Variants in SNX31 observed in about 807,000 individuals in gnomAD.
The protein encoded by SNX31 is sorting nexin 31.
SNX31 carries 58 observed loss-of-function variants against 65.4 expected under a neutral mutation model. The ratio of observed to expected loss-of-function variants is 0.89; its 90% confidence interval spans 0.72 to 1.10. The LOEUF is 1.10. SNX31 is among the 50% of genes least tolerant of loss of function. SNX31 has a pLI of 0.00. For missense variants in SNX31, 523 were observed against 529.7 expected, an observed-to-expected ratio of 0.99 and a Z score of 0.12; for synonymous variants, 181 against 190.1, an observed-to-expected ratio of 0.95 and a Z score of 0.39.
rs1819533584 is a variant in SNX31 at position 100,645,087 on chromosome 8, CA to C, written c.141+4186del. On this transcript the variant is annotated intron_variant, in intron 2 of 13. Transcript: ENST00000311812. ...TTATCCAACATGCAAAATATAAGTCCAATTCTTAAAGCCAAAGATCACACAT... is the reference window on the plus strand; with the variant it reads ...TTATCCAACATGCAAAATATAAGTCCATTCTTAAAGCCAAAGATCACACAT... 4.6e-5 allele frequency among the ~76,000 whole-genome samples: 7 copies of C among 152,218 alleles called. No homozygotes were observed. The South Asian group carries it at 1.5e-3, about 32-fold the overall frequency.
Position 100,584,813 on chromosome 8 carries a change from G to A in SNX31, c.1093-625C>T, listed in dbSNP as rs2977869. On this transcript the variant is annotated intron_variant, in intron 11 of 13. Transcript: ENST00000311812. ...ACCCAGGCTGGAGTGCTGTGGCTGC[G>A]ATCTTGGCTCACTGCAACCCCCGCC... is the stretch of plus-strand genomic sequence containing the variant. Among the ~76,000 whole-genome samples, 4 of 146,748 alleles carry A rather than the reference G, an allele frequency of 2.7e-5. No homozygotes were observed. The East Asian group carries it at 6.0e-4, about 22-fold the overall frequency.
At chr8:100,597,502 C>G (rs890422350) in intron 9 of SNX31, among the ~76,000 whole-genome samples, 1 of 152,196 alleles carries the variant, frequency 6.6e-6, no homozygotes, top group African/African-American at 2.4e-5. Context: ...CTGAGCCTCC[C>G]AAAGTGCTGG....
At chr8:100,636,387 T>C (rs757318907) in intron 2 of SNX31, among the ~76,000 whole-genome samples, 4 of 152,212 alleles carry the variant, frequency 2.6e-5, no homozygotes, top group African/African-American at 4.8e-5. Flanking sequence ...TCCTCAGCCC[T>C]ACCGCCACCA....
Position 100,613,467 on chromosome 8 carries a change from A to C in SNX31, c.433-382T>G, listed in dbSNP as rs1276324120. ...TGATGTCTGTCCCTGGAACCTGCACACTAGTTTACCTTCCTGTGGGCTGCA... is the reference window on the plus strand; with the variant it reads ...TGATGTCTGTCCCTGGAACCTGCACCCTAGTTTACCTTCCTGTGGGCTGCA... On this transcript the variant is annotated intron_variant, in intron 5 of 13. Transcript: ENST00000311812. The surrounding 1 kb of genome is among the most constrained non-coding windows in gnomAD (Gnocchi z 5.2). Among the ~76,000 whole-genome samples, 3 of 152,198 alleles carry C rather than the reference A, an allele frequency of 2.0e-5. No individual in the cohort carries two copies. Among genetic ancestry groups the C allele is most frequent in the East Asian group, 3.9e-4 (2 of 5,172 alleles).
chr8:100,659,754 G>C (rs1017854014), intron 1 of SNX31, among the ~76,000 whole-genome samples: 4 of 152,074 alleles, frequency 2.6e-5, no homozygotes, highest in Non-Finnish European at 5.9e-5. Flanking sequence ...GGATCTTTTG[G>C]CAAACATTTG....
Position 100,610,476 on chromosome 8 carries a change from A to T in SNX31, c.611+1524T>A, listed in dbSNP as rs763167616. On this transcript the variant is annotated intron_variant, in intron 7 of 13. Coordinates refer to ENST00000311812, the MANE Select transcript of SNX31 (RefSeq NM_152628.4). The surrounding 1 kb of genome is among the most constrained non-coding windows in gnomAD (Gnocchi z 4.0). ...TTACATAACTCTTGCAATAACCCTTATAATAATCCAATAAACTATTTTTAT... is the reference window on the plus strand; with the variant it reads ...TTACATAACTCTTGCAATAACCCTTTTAATAATCCAATAAACTATTTTTAT... Among the ~76,000 whole-genome samples the T allele has an allele frequency of 6.6e-6, 1 of 152,080 alleles. No individual in the cohort carries two copies. Among genetic ancestry groups the T allele is most frequent in the Non-Finnish European group, 1.5e-5 (1 of 68,028 alleles).
At chr8:100,589,007 T>G in intron 10 of SNX31, 28 bp from the exon 11 acceptor site, 1 of 1,575,666 alleles carries the variant, frequency 6.3e-7, no homozygotes, top group Middle Eastern at 1.7e-4. Context: ...TTATATTCAA[T>G]GTAAATTTAA....
At chr8:100,631,932 T>C (rs554642590) in intron 3 of SNX31, among the ~76,000 whole-genome samples, 124 of 152,332 alleles carry the variant, frequency 8.1e-4, no homozygotes, top group African/African-American at 2.9e-3. Context: ...GCGTGACTAT[T>C]AAGTACCAGT....
intron 1 of SNX31, among the ~76,000 whole-genome samples, chr8:100,658,387 C>T (rs1612817): frequency 0.16 from 23,752 of 152,098 alleles, 1,958 homozygotes; most frequent in Admixed American, 0.23. Flanking sequence ...CATTCATGTG[C>T]AGAATGAAAG....
intron 1 of SNX31, among the ~76,000 whole-genome samples, chr8:100,659,175 A>G (rs1470826870): frequency 6.6e-6 from 1 of 151,828 alleles, no homozygotes; most frequent in Admixed American, 6.6e-5. Flanking sequence ...GTGAAACCCC[A>G]TCTCTACTAA....
intron 2 of SNX31, among the ~76,000 whole-genome samples, chr8:100,643,116 G>T (rs963247755): frequency 4.0e-5 from 1 of 24,950 alleles, no homozygotes; most frequent in Admixed American, 4.5e-4. Flanking sequence ...ACTTGAACTT[G>T]GGGGGGGTGG....
At position 100,648,536 on chromosome 8, in the gene SNX31, A is replaced by G. The variant is rs1227945354; in HGVS notation, c.141+738T>C. 6.6e-6 allele frequency among the ~76,000 whole-genome samples: 1 copy of G among 152,140 alleles called. No homozygotes were observed. Among genetic ancestry groups the G allele is most frequent in the Admixed American group, 6.5e-5 (1 of 15,278 alleles). On this transcript the variant is annotated intron_variant, in intron 2 of 13. Coordinates refer to ENST00000311812, the MANE Select transcript of SNX31 (RefSeq NM_152628.4). This position sits in a 1 kb window ranked among gnomAD's most constrained non-coding sequence, Gnocchi z 4.3. ...CTAAAACAAAAAAACAAAAATCACT[A>G]TTCATGGGGGAGTGGAGGAGGAGTG...
At position 100,641,109 on chromosome 8, in the gene SNX31, A is replaced by AG. The variant is rs1360777428; in HGVS notation, c.142-5099_142-5098insC. Among the ~76,000 whole-genome samples, 5 of 152,220 alleles carry AG rather than the reference A, an allele frequency of 3.3e-5. No individual in the cohort carries two copies. In the East Asian group the frequency reaches 9.7e-4, roughly 29 times the overall value. On this transcript the variant is annotated intron_variant, in intron 2 of 13. Coordinates refer to ENST00000311812, the MANE Select transcript of SNX31 (RefSeq NM_152628.4). ...AAAAATTAAGTTTATTTAAAAAAAA[A>AG]CTGATGTTCTGGCTTCTCTGGAAAA...
intron 8 of SNX31, among the ~76,000 whole-genome samples, chr8:100,600,833 T>C (rs1179848437): frequency 6.6e-6 from 1 of 152,152 alleles, no homozygotes; most frequent in Non-Finnish European, 1.5e-5. Context: ...TAGTCATATA[T>C]AATTATGTGA....
chr8:100,605,810 G>T (rs1439213368), intron 8 of SNX31, among the ~76,000 whole-genome samples: 3 of 152,130 alleles, frequency 2.0e-5, no homozygotes, highest in Non-Finnish European at 4.4e-5. Context: ...GATGCTCGAA[G>T]CTCTGACCTC....
intron 12 of SNX31, among the ~76,000 whole-genome samples, chr8:100,583,650 C>T (rs2507777): frequency 0.51 from 78,112 of 151,892 alleles, 22,329 homozygotes; most frequent in African/African-American, 0.77. Flanking sequence ...ATTTTACTAC[C>T]TCCCCCAACT....
chr8:100,616,444 C>T (rs1264436579), intron 5 of SNX31, among the ~76,000 whole-genome samples: 1 of 152,230 alleles, frequency 6.6e-6, no homozygotes, highest in East Asian at 1.9e-4. Flanking sequence ...TCTATCACTG[C>T]CTTCCTACTC....
At chr8:100,646,005 C>T (rs575545960) in intron 2 of SNX31, among the ~76,000 whole-genome samples, 5 of 152,058 alleles carry the variant, frequency 3.3e-5, no homozygotes, top group Non-Finnish European at 7.4e-5. Flanking sequence ...GTCTGGAACT[C>T]GCATGACAGA....
chr8:100,644,211 C>A (rs767026494), intron 2 of SNX31, among the ~76,000 whole-genome samples: 1 of 152,156 alleles, frequency 6.6e-6, no homozygotes, highest in Non-Finnish European at 1.5e-5. Flanking sequence ...GCACAGCCCT[C>A]CCCTCCTACT....
Sources: allele counts gnomAD v4.1 joint callset (sites outside exome capture counted in the v4.1 genomes callset), GRCh38; gene constraint gnomAD v4.1.1; non-coding constraint Gnocchi (gnomAD v3.1); transcripts MANE v1.5; gene names NCBI Gene and HGNC (gene_info 2026-07-23, HGNC 2026-07-21).